Variants in C14orf39 observed in about 807,000 individuals in gnomAD.
C14orf39 encodes chromosome 14 open reading frame 39.
Under a neutral mutation model 85.6 loss-of-function variants are expected in C14orf39, and 66 were observed. The ratio of observed to expected loss-of-function variants is 0.77; its 90% CI spans 0.63 to 0.95. The LOEUF (loss-of-function observed/expected upper bound fraction) is 0.95, where lower values mean the gene tolerates loss of function less well. C14orf39 is among the 40% of genes least tolerant of loss of function. C14orf39 has a pLI of 0.00. For missense variants in C14orf39, 735 were observed against 663.9 expected (o/e 1.11, Z -1.18); for synonymous variants, 242 against 214.0 (o/e 1.13, Z -1.14).
At chr14:60,511,358 G>A in intron 1 of C14orf39, 2 of 1,357,636 alleles carry the variant, frequency 1.5e-6, no homozygotes, top group East Asian at 2.3e-5. Flanking sequence ...CGCCACAGAA[G>A]CCAGGTGACC....
chr14:60,514,522 G>T (rs956806016), intron 1 of C14orf39, among the ~76,000 whole-genome samples: 1 of 152,010 alleles, frequency 6.6e-6, no homozygotes, highest in Non-Finnish European at 1.5e-5. Flanking sequence ...CTCCCCAAAT[G>T]CCGCAGTTCC....
rs940613308 is a variant in C14orf39 at position 60,453,462 on chromosome 14, A to G, written c.1503+1539T>C. ...TTTATATTTAAAGTGTGTTTCTTATAGATAGCTTATATTTGGGTCTTGCTT... is the reference window on the plus strand; with the variant it reads ...TTTATATTTAAAGTGTGTTTCTTATGGATAGCTTATATTTGGGTCTTGCTT... On this transcript the variant is annotated intron_variant, in intron 16 of 17. Transcript: ENST00000321731. Among the ~76,000 whole-genome samples the G allele has an allele frequency of 4.6e-5, 7 of 151,612 alleles. No homozygotes were observed. The East Asian group carries it at 1.2e-3, about 25-fold the overall frequency.
At chr14:60,506,007 A>G (rs1286280691) in intron 1 of C14orf39, among the ~76,000 whole-genome samples, 1 of 152,208 alleles carries the variant, frequency 6.6e-6, no homozygotes, top group Admixed American at 6.5e-5. Flanking sequence ...TAAATCCAGC[A>G]CGAAACAGTT....
intron 7 of C14orf39, among the ~76,000 whole-genome samples, chr14:60,469,876 T>C (rs1291123613): frequency 6.6e-6 from 1 of 151,198 alleles, no homozygotes; most frequent in Non-Finnish European, 1.5e-5. Flanking sequence ...TAAAAAAACA[T>C]TTCATACAAA....
At chr14:60,443,333 G>A (rs749935133) in intron 16 of C14orf39, among the ~76,000 whole-genome samples, 1 of 152,182 alleles carries the variant, frequency 6.6e-6, no homozygotes, top group South Asian at 2.1e-4. Context: ...ACTGCACTTT[G>A]TCCAAGGTCT....
rs984991963 is a variant in C14orf39 at position 60,491,923 on chromosome 14, A to G, written c.-8-6837T>C. On this transcript the variant is annotated intron_variant, in intron 2 of 5. Coordinates refer to the C14orf39 transcript ENST00000556799. The surrounding 1 kb of genome is among the most constrained non-coding windows in gnomAD (Gnocchi z 4.5). ...GACAAAATACATTTTATTGGAAAAAATTCAAAATTTATTTTTCAACAGACA... is the reference window on the plus strand; with the variant it reads ...GACAAAATACATTTTATTGGAAAAAGTTCAAAATTTATTTTTCAACAGACA... Among the ~76,000 whole-genome samples, 1 of 152,146 alleles carries G rather than the reference A, an allele frequency of 6.6e-6. No individual in the cohort carries two copies. Among genetic ancestry groups the G allele is most frequent in the South Asian group, 2.1e-4 (1 of 4,830 alleles).
At chr14:60,479,405 AG>A (rs1892536322) in intron 4 of C14orf39, among the ~76,000 whole-genome samples, 1 of 152,190 alleles carries the variant, frequency 6.6e-6, no homozygotes, top group Admixed American at 6.5e-5. Context: ...GGAAACTAGT[AG>A]AGGGGGAAGA....
At position 60,491,592 on chromosome 14, in the gene C14orf39, C is replaced by T. The variant is rs1273814278; in HGVS notation, c.-8-6506G>A. 2.6e-5 allele frequency among the ~76,000 whole-genome samples: 4 copies of T among 152,154 alleles called. No homozygotes were observed. The highest frequency in any genetic ancestry group is 1.9e-4 in the East Asian group (1 of 5,192). On this transcript the variant is annotated intron_variant, in intron 2 of 5. Transcript: ENST00000556799. This position sits in a 1 kb window ranked among gnomAD's most constrained non-coding sequence, Gnocchi z 4.5. Reference sequence around the variant, plus strand: ...CGTGACAACCTTCCTCTCCTATCATCCCCCACATCAAATCCATCATAAATC... The same window carrying T: ...CGTGACAACCTTCCTCTCCTATCATTCCCCACATCAAATCCATCATAAATC...
chr14:60,468,509 C>G lies in C14orf39; in HGVS notation c.703G>C (p.Ala235Pro). The G allele has an allele frequency of 1.9e-6, 3 of 1,591,772 alleles. No homozygotes were observed. The highest frequency in any genetic ancestry group is 1.1e-5 in the South Asian group (1 of 87,526). The change falls in exon 9 of 18, where the codon GCT becomes CCT. Residue 235 changes from alanine (A) to proline (P), a missense_variant. Physicochemically the swap from Ala to Pro is conservative, Grantham distance 27. Transcript: ENST00000321731. The part of the protein sequence containing the change: ...QQISRHNETK[A>P]LSETLEEKNK... ...TTTTCTTCCAGAGTTTCTGAAAGAG[C>G]CTTAGTTTCATTATGCCTAGATATC... is the stretch of plus-strand genomic sequence containing the variant.
chr14:60,439,350 G>GA (rs1259324130), intron 17 of C14orf39, among the ~76,000 whole-genome samples: 1 of 152,070 alleles, frequency 6.6e-6, no homozygotes, highest in Non-Finnish European at 1.5e-5. Context: ...TAGGTAAGCT[G>GA]AAAAATGGAA....
At chr14:60,496,928 C>T (rs1402070260) in intron 2 of C14orf39, 2 of 152,242 alleles carry the variant, frequency 1.3e-5, no homozygotes, top group Non-Finnish European at 2.9e-5. Context: ...GTTATTTGGC[C>T]TCCAGCACAA....
intron 16 of C14orf39, among the ~76,000 whole-genome samples, chr14:60,449,113 C>T (rs1168207923): frequency 6.6e-6 from 1 of 152,076 alleles, no homozygotes; most frequent in Non-Finnish European, 1.5e-5. Flanking sequence ...TGCAGCAAAC[C>T]AACATGGCAC....
intron 1 of C14orf39, chr14:60,511,043 GTGTTACGAGC>G (rs1566691500): frequency 6.2e-7 from 1 of 1,602,336 alleles, no homozygotes; most frequent in South Asian, 1.1e-5. Context: ...ACGGGCGGCT[GTGTTACGAGC>G]TGTGACCCGT....
At position 60,485,950 on chromosome 14, in the gene C14orf39, C is replaced by CAG. The variant is rs1450001477; in HGVS notation, c.-16_-15dup. The CAG allele has an allele frequency of 2.6e-5, 4 of 152,802 alleles. No individual in the cohort carries two copies. Among genetic ancestry groups the CAG allele is most frequent in the African/African-American group, 9.7e-5 (4 of 41,426 alleles). The allele number at this position is 152,802 out of a possible 1,614,324, so 9.5% of individuals were successfully genotyped here. A position where few individuals can be genotyped will look rare whatever the true frequency, so the allele number is the denominator to read the frequency against. ...CAGCTCCCTTCCACACGCACCTAAA[C>CAG]AGCTCCTCTGGACCCGAACGCCCAC... On this transcript the variant is annotated 5_prime_UTR_variant, in exon 1 of 18. Coordinates refer to ENST00000321731, the MANE Select transcript of C14orf39 (RefSeq NM_174978.3).
intron 5 of C14orf39, among the ~76,000 whole-genome samples, chr14:60,472,927 G>C (rs987898636): frequency 6.6e-6 from 1 of 152,096 alleles, no homozygotes; most frequent in African/African-American, 2.4e-5. Flanking sequence ...CCCAGTAATG[G>C]GATGGCTGGG....
intron 5 of C14orf39, among the ~76,000 whole-genome samples, chr14:60,472,268 T>C (rs535941773): frequency 9.7e-4 from 147 of 152,186 alleles, no homozygotes; most frequent in African/African-American, 3.0e-3. Flanking sequence ...ATGTACCCCG[T>C]AACTATTTTA....
intron 16 of C14orf39, among the ~76,000 whole-genome samples, chr14:60,442,825 G>C (rs969085309): frequency 6.6e-6 from 1 of 152,088 alleles, no homozygotes; most frequent in Non-Finnish European, 1.5e-5. Context: ...TTTTCTCATA[G>C]ATTTTATAAG....
intron 11 of C14orf39, among the ~76,000 whole-genome samples, chr14:60,463,617 G>A (rs1891641789): frequency 6.6e-6 from 1 of 152,040 alleles, no homozygotes. Flanking sequence ...CTCAATGAAA[G>A]AAGAAAAATA....
chr14:60,439,087 A>G (rs958854129), intron 17 of C14orf39, among the ~76,000 whole-genome samples: 1 of 152,174 alleles, frequency 6.6e-6, no homozygotes, highest in Non-Finnish European at 1.5e-5. Flanking sequence ...GAAATGATAA[A>G]CGTCTGAGGT....
Sources: gnomAD v4.1 joint callset for allele counts (sites outside exome capture counted in the v4.1 genomes callset) on GRCh38, gnomAD v4.1.1 for gene constraint, Gnocchi (gnomAD v3.1) non-coding constraint, MANE v1.5 for transcripts, NCBI Gene and HGNC (gene_info 2026-07-23, HGNC 2026-07-21) for gene names.